Variants in NMU observed in about 807,000 individuals in gnomAD.
The protein encoded by NMU is neuromedin-U.
NMU carries 29 observed loss-of-function variants against 35.4 expected under a neutral mutation model. That is an observed-to-expected ratio of 0.82 (90% CI 0.61 to 1.12). The LOEUF (loss-of-function observed/expected upper bound fraction) is 1.12, where lower values mean the gene tolerates loss of function less well. Among genes scored for constraint, NMU ranks in the 50% most tolerant of loss-of-function variants. The pLI, the probability that NMU is intolerant of heterozygous loss-of-function variation, is 0.00. For synonymous variants in NMU, 78 were observed against 81.3 expected (o/e 0.96, Z 0.22); for missense variants, 199 against 206.2 (o/e 0.97, Z 0.21).
chr4:55,636,457 C>A (rs1035257820), upstream of NMU: 2 of 433,212 alleles, frequency 4.6e-6, no homozygotes, highest in East Asian at 8.0e-5. The surrounding 1 kb of genome is among the most constrained non-coding windows in gnomAD (Gnocchi z 4.0). Context: ...AGGACCCGAG[C>A]CCCCTAGCCT....
intron 2 of NMU, among the ~76,000 whole-genome samples, chr4:55,618,969 A>T (rs1312416321): frequency 6.7e-6 from 1 of 150,136 alleles, no homozygotes; most frequent in Non-Finnish European, 1.5e-5. Context: ...TCTTGGGCTC[A>T]AGTGATCCTC....
At chr4:55,618,710 TTC>T (rs937073372) in intron 2 of NMU, among the ~76,000 whole-genome samples, 1 of 140,168 alleles carries the variant, frequency 7.1e-6, no homozygotes, top group African/African-American at 2.5e-5. Flanking sequence ...TTCTTTCTTT[TTC>T]TTTCTTCTCT....
At chr4:55,609,281 A>C (rs764622626) in intron 3 of NMU, 102 bp from the exon 4 acceptor site, 2 of 844,250 alleles carry the variant, frequency 2.4e-6, no homozygotes, top group Non-Finnish European at 4.1e-6. Context: ...AATGCTAACT[A>C]CCTGGAAAAG....
chr4:55,619,214 C>T (rs942617272), intron 2 of NMU, among the ~76,000 whole-genome samples: 12 of 151,264 alleles, frequency 7.9e-5, no homozygotes, highest in Middle Eastern at 3.4e-3. Context: ...GCGTGAGCGA[C>T]GCAGAAGACG....
Position 55,600,643 on chromosome 4 carries a change from G to C in NMU, c.436-68C>G. 2.8e-6 allele frequency: 3 copies of C among 1,090,542 alleles called. No individual in the cohort carries two copies. In the South Asian group the frequency reaches 3.8e-5, roughly 14 times the overall value. The allele number at this position is 1,090,542 out of a possible 1,614,324, so 67.6% of individuals were successfully genotyped here. A position where few individuals can be genotyped will look rare whatever the true frequency, so the allele number is the denominator to read the frequency against. On this transcript the variant is annotated intron_variant, in intron 7 of 9. Transcript: ENST00000264218. ...AAATAAGTGCAAATTCTCCTTGAAAGTATATTGAGGGTCAAAATTACTTTC... is the reference window on the plus strand; with the variant it reads ...AAATAAGTGCAAATTCTCCTTGAAACTATATTGAGGGTCAAAATTACTTTC...
chr4:55,609,052 TC>T, intron 4 of NMU, 67 bp downstream of exon 4: 2 of 1,334,066 alleles, frequency 1.5e-6, no homozygotes, highest in South Asian at 2.3e-5. Flanking sequence ...CATATTTTCT[TC>T]CAGGAGAAAT....
At chr4:55,618,730 C>CTTG in intron 2 of NMU, among the ~76,000 whole-genome samples, 1 of 115,788 alleles carries the variant, frequency 8.6e-6, no homozygotes, top group Non-Finnish European at 1.9e-5. Context: ...TCTCTTTCTT[C>CTTG]TTTCTTTCTT....
intron 7 of NMU, among the ~76,000 whole-genome samples, chr4:55,603,773 G>T (rs912480342): frequency 1.3e-5 from 2 of 150,676 alleles, no homozygotes; most frequent in Admixed American, 6.6e-5. Flanking sequence ...TTAGCCGGGC[G>T]TAGCGGCGGG....
chr4:55,611,314 G>T (rs545653090), intron 3 of NMU, among the ~76,000 whole-genome samples: 2 of 152,254 alleles, frequency 1.3e-5, no homozygotes, highest in South Asian at 4.1e-4. Context: ...AGTGAGCCAT[G>T]ATTATGCCAC....
chr4:55,612,189 C>T (rs1330061706), intron 3 of NMU, among the ~76,000 whole-genome samples: 1 of 152,194 alleles, frequency 6.6e-6, no homozygotes, highest in Non-Finnish European at 1.5e-5. Context: ...CCTATAACTT[C>T]CCTTAACAGC....
intron 7 of NMU, among the ~76,000 whole-genome samples, chr4:55,602,071 C>G (rs1178402392): frequency 1.3e-5 from 2 of 152,066 alleles, no homozygotes; most frequent in Non-Finnish European, 2.9e-5. Flanking sequence ...AAAGGCCAGA[C>G]AAAATGTAAA....
At chr4:55,596,103 T>C (rs1309973918) in intron 9 of NMU, among the ~76,000 whole-genome samples, 1 of 152,216 alleles carries the variant, frequency 6.6e-6, no homozygotes, top group Non-Finnish European at 1.5e-5. Context: ...TTCAAAGGCT[T>C]ACATTTACTC....
intron 3 of NMU, among the ~76,000 whole-genome samples, chr4:55,615,319 TAG>T (rs1257206713): frequency 2.6e-5 from 4 of 152,366 alleles, no homozygotes; most frequent in Non-Finnish European, 4.4e-5. Flanking sequence ...CTTTCCTCTA[TAG>T]AGTCAGTGTT....
At chr4:55,614,592 T>A (rs1734048401) in intron 3 of NMU, among the ~76,000 whole-genome samples, 1 of 152,196 alleles carries the variant, frequency 6.6e-6, no homozygotes, top group South Asian at 2.1e-4. Context: ...AAACAATAAT[T>A]TTTTAAAGTA....
intron 3 of NMU, among the ~76,000 whole-genome samples, chr4:55,612,927 G>T (rs1733993129): frequency 1.3e-5 from 2 of 152,046 alleles, no homozygotes; most frequent in Admixed American, 6.5e-5. Flanking sequence ...TTTTAAAATT[G>T]TATCAAATTT....
In NMU at chr4:55,609,124, G is replaced by A. The variant is rs1399895224; in HGVS notation, c.275C>T (p.Pro92Leu). ...CFMIMGMLPK[P>L]QEQDEKDNTK... Reference sequence around the variant, plus strand: ...AAAACACTATTTCAAGCTTACCTGAGGCTTTGGTAGCATTCCCATAATCAT... The same window carrying A: ...AAAACACTATTTCAAGCTTACCTGAAGCTTTGGTAGCATTCCCATAATCAT... The change falls in exon 4 of 10, where the codon CCT (proline) becomes CTT (leucine). Residue 92 changes from proline to leucine, a missense_variant. Physicochemically the swap from Pro to Leu is moderately conservative, Grantham distance 98. Coordinates refer to ENST00000264218, the MANE Select transcript of NMU (RefSeq NM_006681.4). 1 of 1,612,938 alleles carries A rather than the reference G, an allele frequency of 6.2e-7. No homozygotes were observed. The highest frequency in any genetic ancestry group is 1.1e-5 in the South Asian group (1 of 91,050).
chr4:55,606,866 C>T (rs143327908), intron 6 of NMU, among the ~76,000 whole-genome samples: 4,104 of 151,992 alleles, frequency 0.027, 83 homozygotes, highest in Non-Finnish European at 0.04. Context: ...TTAGTAGAGA[C>T]AGGGTTTCAC....
rs1338852354 is a variant in NMU at position 55,604,004 on chromosome 4, T to TATACAC, written c.435+1270_435+1271insGTGTAT. On this transcript the variant is annotated intron_variant, in intron 7 of 9. Transcript: ENST00000264218. ...ATATATGTGTATATATATACGTATA[T>TATACAC]ATGTATATATGTGTATATATATAAT... is the stretch of plus-strand genomic sequence containing the variant. Among the ~76,000 whole-genome samples, 16 of 118,968 alleles carry TATACAC rather than the reference T, an allele frequency of 1.3e-4. No individual in the cohort carries two copies. The East Asian group carries it at 1.8e-3, about 13-fold the overall frequency. 78.0% of individuals were successfully genotyped at this position (118,968 alleles called of 152,430 possible).
chr4:55,600,723 A>G (rs1733392990), intron 7 of NMU, 148 bp from the exon 8 acceptor site: 1 of 628,282 alleles, frequency 1.6e-6, no homozygotes, highest in Non-Finnish European at 2.9e-6. Context: ...GAATTTTTGT[A>G]TCATACCTGA....
Sources: allele counts gnomAD v4.1 joint callset (sites outside exome capture counted in the v4.1 genomes callset), GRCh38; gene constraint gnomAD v4.1.1; non-coding constraint Gnocchi (gnomAD v3.1); transcripts MANE v1.5; gene names NCBI Gene and HGNC (gene_info 2026-07-23, HGNC 2026-07-21).